Variants in PLXNA4 observed in about 807,000 individuals in gnomAD.
The protein encoded by PLXNA4 is plexin-A4.
A neutral mutation model predicts 191.8 loss-of-function variants in PLXNA4; 44 were observed. The observed-to-expected ratio is 0.23, with a 90% CI of 0.18 to 0.29. PLXNA4 has a LOEUF of 0.29. Ranked by LOEUF, PLXNA4 falls within the 10% of genes least tolerant of loss-of-function variation. The pLI, the probability that PLXNA4 is intolerant of heterozygous loss-of-function variation, is 1.00. For missense variants in PLXNA4, 1,800 were observed against 2,488.8 expected (o/e 0.72, Z 5.89); for synonymous variants, 1,082 against 1,009.5 (o/e 1.07, Z -1.36).
Position 132,198,545 on chromosome 7 carries a change from T to C in PLXNA4, c.2678A>G (p.His893Arg), listed in dbSNP as rs372345888. The C allele has an allele frequency of 4.3e-6, 7 of 1,614,102 alleles. No homozygotes were observed. The highest frequency in any genetic ancestry group is 5.9e-6 in the Non-Finnish European group (7 of 1,180,042). ...GCACTCCACGCCAGCAACCTTGACATGGGAGGCGATGTCGCGAAATTCCAG... is the reference window on the plus strand; with the variant it reads ...GCACTCCACGCCAGCAACCTTGACACGGGAGGCGATGTCGCGAAATTCCAG... Reference protein sequence around the residue: ...LGLEFRDIASHVKVAGVECSP... With the variant: ...LGLEFRDIASRVKVAGVECSP... Residue 893 changes from histidine to arginine, a missense_variant, in exon 13 of 32, where the codon CAT becomes CGT. By Grantham distance (29) the His-to-Arg change is conservative (BLOSUM62 0). This residue lies in a region of PLXNA4 where 1,397 missense variants were observed against 1,880.4 expected (regional missense o/e 0.74). Transcript: ENST00000321063.
chr7:132,297,174 AG>A (rs1801117525), intron 4 of PLXNA4, among the ~76,000 whole-genome samples: 1 of 152,100 alleles, frequency 6.6e-6, no homozygotes, highest in Admixed American at 6.5e-5. Flanking sequence ...GATGAAAAAG[AG>A]GGGAGATCTG....
intron 2 of PLXNA4, among the ~76,000 whole-genome samples, chr7:132,496,947 C>T (rs1798041853): frequency 6.6e-6 from 1 of 152,082 alleles, no homozygotes; most frequent in South Asian, 2.1e-4. Flanking sequence ...GTCTGTGCAT[C>T]CCAAAGGAAA....
chr7:132,385,112 G>A (rs1425244608), intron 3 of PLXNA4: 3 of 1,581,186 alleles, frequency 1.9e-6, no homozygotes, highest in East Asian at 4.5e-5. Flanking sequence ...AGGTAGATGT[G>A]TCTCATCTGT....
intron 3 of PLXNA4, among the ~76,000 whole-genome samples, chr7:132,404,380 C>T (rs1794123678): frequency 6.6e-6 from 1 of 152,234 alleles, no homozygotes; most frequent in African/African-American, 2.4e-5. Context: ...GCCCCCTTAG[C>T]CTTTGTGAGG....
At chr7:132,478,531 C>A (rs895272279) in intron 3 of PLXNA4, among the ~76,000 whole-genome samples, 1 of 152,024 alleles carries the variant, frequency 6.6e-6, no homozygotes, top group Non-Finnish European at 1.5e-5. Flanking sequence ...GCAGAAAGAC[C>A]AATGTAAAGA....
rs1034071596 is a variant in PLXNA4 at position 132,584,796 on chromosome 7, G to A, written c.-87+61132C>T. ...TTTTCTTTTTGACGTTTTACCACGT[G>A]CAAGTACTACGTTCTCCATTTTTCA... On this transcript the variant is annotated intron_variant, in intron 2 of 4. Coordinates refer to the PLXNA4 transcript ENST00000378539. Among the ~76,000 whole-genome samples, 6 of 152,090 alleles carry A rather than the reference G, an allele frequency of 3.9e-5. No homozygotes were observed. The South Asian group carries it at 1.2e-3, about 32-fold the overall frequency.
intron 3 of PLXNA4, among the ~76,000 whole-genome samples, chr7:132,309,639 T>C (rs1449081555): frequency 6.6e-6 from 1 of 152,120 alleles, no homozygotes; most frequent in Admixed American, 6.5e-5. Context: ...TCCATGTTCC[T>C]CTCCTGCTGG....
At chr7:132,473,317 G>T (rs1011119146) in intron 3 of PLXNA4, among the ~76,000 whole-genome samples, 1 of 152,132 alleles carries the variant, frequency 6.6e-6, no homozygotes, top group Non-Finnish European at 1.5e-5. Context: ...TAGTGTGTCT[G>T]GTGGTCAGAT....
intron 1 of PLXNA4, among the ~76,000 whole-genome samples, chr7:132,568,094 G>T (rs149583569): frequency 6.6e-6 from 1 of 152,174 alleles, no homozygotes; most frequent in Admixed American, 6.5e-5. Flanking sequence ...AGTAAAAAAC[G>T]TTGATGAGGG....
intron 3 of PLXNA4, among the ~76,000 whole-genome samples, chr7:132,388,897 A>G (rs1805276324): frequency 6.6e-6 from 1 of 152,190 alleles, no homozygotes; most frequent in Admixed American, 6.5e-5. Flanking sequence ...AAGTCCCATA[A>G]CATGAGAGGA....
chr7:132,492,877 A>G (rs530610475), intron 2 of PLXNA4, among the ~76,000 whole-genome samples: 5 of 152,262 alleles, frequency 3.3e-5, no homozygotes, highest in Non-Finnish European at 7.4e-5. Flanking sequence ...GTGTATAGAA[A>G]TCCTGCCTGG....
rs147044480 is a variant in PLXNA4 at position 132,636,044 on chromosome 7, C to T, written c.-87+9884G>A. Among the ~76,000 whole-genome samples the T allele has an allele frequency of 4.5e-4, 68 of 152,294 alleles. 1 individual carries two copies. Among genetic ancestry groups the T allele is most frequent in the African/African-American group, 1.5e-3 (63 of 41,558 alleles). On this transcript the variant is annotated intron_variant, in intron 2 of 4. Coordinates refer to the PLXNA4 transcript ENST00000378539. The stretch of plus-strand genomic sequence containing the variant: ...GAGGGTAGAGAGCTTCAGGAGTGGG[C>T]ATCCCCTCCAAAAGGCTCCAATGTG...
At chr7:132,553,939 C>T (rs957585869) in intron 1 of PLXNA4, among the ~76,000 whole-genome samples, 2 of 152,114 alleles carry the variant, frequency 1.3e-5, no homozygotes, top group Admixed American at 1.3e-4. Context: ...AATTTCAGCC[C>T]TTATTTGCTC....
intron 22 of PLXNA4, 75 bp downstream of exon 22, chr7:132,168,229 C>T (rs773617529): frequency 1.5e-4 from 219 of 1,438,398 alleles, no homozygotes; most frequent in Non-Finnish European, 1.9e-4. Context: ...GAGCTCCACC[C>T]GAGTCTCCCT....
At chr7:132,401,370 C>T (rs1793977949) in intron 3 of PLXNA4, among the ~76,000 whole-genome samples, 1 of 152,178 alleles carries the variant, frequency 6.6e-6, no homozygotes, top group Admixed American at 6.5e-5. Context: ...AGGTTGCAGC[C>T]TGAGCATCAG....
At chr7:132,142,172 A>G (rs1329676666) in intron 29 of PLXNA4, among the ~76,000 whole-genome samples, 1 of 152,166 alleles carries the variant, frequency 6.6e-6, no homozygotes, top group Non-Finnish European at 1.5e-5. Context: ...TAATGTCCCA[A>G]TCCTGGGACC....
intron 13 of PLXNA4, 41 bp from the exon 14 acceptor site, chr7:132,194,220 T>A: frequency 1.3e-6 from 2 of 1,588,488 alleles, no homozygotes; most frequent in Non-Finnish European, 8.6e-7. Context: ...TCACAGGACT[T>A]CCAGCCAAGA....
rs74726582 is a variant in PLXNA4, at chr7:132,244,777, T to C, written c.1504-3611A>G. 3.0e-3 allele frequency among the ~76,000 whole-genome samples: 451 copies of C among 152,322 alleles called. 3 individuals are homozygous for C. Among genetic ancestry groups the C allele is most frequent in the African/African-American group, 0.01 (431 of 41,574 alleles). On this transcript the variant is annotated intron_variant, in intron 4 of 31. Coordinates refer to ENST00000321063, the MANE Select transcript of PLXNA4 (RefSeq NM_020911.2). ...TTGCTTTGCCTCACTCTGTACCCCA[T>C]GGTTAATTCTGCAAAGCATCAGAAG...
chr7:132,404,223 A>G (rs1240528306), intron 3 of PLXNA4, among the ~76,000 whole-genome samples: 1 of 152,206 alleles, frequency 6.6e-6, no homozygotes, highest in Non-Finnish European at 1.5e-5. Context: ...ATGTGAGGCT[A>G]CACACAATGC....
Sources: gnomAD v4.1 joint callset for allele counts (sites outside exome capture counted in the v4.1 genomes callset) on GRCh38, gnomAD v4.1.1 for gene constraint, gnomAD v4.1.1 regional missense constraint, MANE v1.5 for transcripts, NCBI Gene and HGNC (gene_info 2026-07-23, HGNC 2026-07-21) for gene names.